The following UBE3A variants were observed in gnomAD, a reference collection of about 807,000 sequenced individuals.
UBE3A encodes the protein ubiquitin protein ligase E3A.
UBE3A carries 6 observed loss-of-function variants against 83.4 expected under a neutral mutation model. That is an observed-to-expected ratio of 0.07 (90% CI 0.04 to 0.14). UBE3A has a LOEUF of 0.14. Among genes scored for constraint, UBE3A ranks in the 10% least tolerant of loss-of-function variants. The pLI is 1.00. For synonymous variants in UBE3A, 337 were observed against 355.4 expected, an observed-to-expected ratio of 0.95 and a Z score of 0.58; for missense variants, 456 against 1,036.1, an observed-to-expected ratio of 0.44 and a Z score of 7.69.
rs564342054 is a variant in UBE3A, at chr15:25,386,464, T to G, written c.63-10701A>C. 1.5e-4 allele frequency among the ~76,000 whole-genome samples: 23 copies of G among 152,080 alleles called. No homozygotes were observed. The South Asian group carries it at 4.8e-3, about 32-fold the overall frequency. ...CCTAACGAACTGAGTAAACAACATG[T>G]TAAAAAAGTAGAGATGAAAATCCTA... On this transcript the variant is annotated intron_variant, in intron 4 of 12. Coordinates refer to ENST00000648336, the MANE Select transcript of UBE3A (RefSeq NM_130839.5).
At chr15:25,429,759 C>CT (rs1164629745) in intron 1 of UBE3A, among the ~76,000 whole-genome samples, 2 of 151,736 alleles carry the variant, frequency 1.3e-5, no homozygotes, top group Admixed American at 6.6e-5. Flanking sequence ...AATCCCAGTG[C>CT]TTTCAGAGGT....
rs1157933758 is a variant in UBE3A, at chr15:25,336,847, TAG to T, written c.*2288_*2289del. Reference sequence around the variant, plus strand: ...ATTCAAAGAAAACCAAAATATATAATAGAGTACCTGGGCAAAAAAAGTACTTT... The same window carrying T: ...ATTCAAAGAAAACCAAAATATATAATAGTACCTGGGCAAAAAAAGTACTTT... On this transcript the variant is annotated 3_prime_UTR_variant, in exon 13 of 13. Transcript: ENST00000648336. 1.3e-5 allele frequency: 2 copies of T among 152,104 alleles called. No individual in the cohort carries two copies. Among genetic ancestry groups the T allele is most frequent in the African/African-American group, 2.4e-5 (1 of 41,432 alleles). 9.4% of individuals were successfully genotyped at this position (152,104 alleles called of 1,614,324 possible).
chr15:25,433,998 A>G (rs1441586257), intron 1 of UBE3A, among the ~76,000 whole-genome samples: 1 of 152,218 alleles, frequency 6.6e-6, no homozygotes, highest in South Asian at 2.1e-4. Context: ...CCAGCCTGAG[A>G]CTGCAATGAG....
intron 1 of UBE3A, chr15:25,421,898 T>A (rs1037705698): frequency 2.6e-5 from 4 of 152,166 alleles, no homozygotes; most frequent in African/African-American, 9.7e-5. Context: ...AGTTTGGCAG[T>A]TCCTTATACA....
At chr15:25,406,856 G>GAAAAAAAAAAAAAAAA (rs11413336) in intron 3 of UBE3A, among the ~76,000 whole-genome samples, 1 of 114,684 alleles carries the variant, frequency 8.7e-6, no homozygotes. Context: ...AATGGAAAAG[G>GAAAAAAAAAAAAAAAA]AAAAAAAAAA....
intron 4 of UBE3A, among the ~76,000 whole-genome samples, chr15:25,393,306 A>G (rs1399478894): frequency 6.6e-6 from 1 of 152,220 alleles, no homozygotes; most frequent in Non-Finnish European, 1.5e-5. Flanking sequence ...AAGATATGCT[A>G]CAAGCTGAGA....
chr15:25,436,114 T>G (rs1895006438), intron 1 of UBE3A, among the ~76,000 whole-genome samples: 1 of 152,184 alleles, frequency 6.6e-6, no homozygotes. Context: ...CATACCAAGA[T>G]GTCTTGTTAC....
intron 1 of UBE3A, among the ~76,000 whole-genome samples, chr15:25,435,592 A>G (rs935214380): frequency 6.6e-6 from 1 of 152,182 alleles, no homozygotes; most frequent in African/African-American, 2.4e-5. Context: ...TACATGAGGT[A>G]ATGGTGAAAA....
At chr15:25,386,796 G>C (rs2083238754) in intron 4 of UBE3A, among the ~76,000 whole-genome samples, 1 of 152,034 alleles carries the variant, frequency 6.6e-6, no homozygotes, top group East Asian at 1.9e-4. Flanking sequence ...AATATTCATA[G>C]TGTTGAGAGA....
chr15:25,371,888 A>G lies in UBE3A; in HGVS notation c.362-76T>C. The G allele has an allele frequency of 7.1e-7, 1 of 1,398,906 alleles. No individual in the cohort carries two copies. The highest frequency in any genetic ancestry group is 1.3e-5 in the South Asian group (1 of 77,494). 86.7% of individuals were successfully genotyped at this position (1,398,906 alleles called of 1,614,324 possible). A position where few individuals can be genotyped will look rare whatever the true frequency, so the allele number is the denominator to read the frequency against. ...TTACTCTGTTGCAAAAAGTTCTAAA[A>G]GTAAAACAGCCAAACATTCTAGGCT... On this transcript the variant is annotated intron_variant, in intron 5 of 12. Coordinates refer to ENST00000648336, the MANE Select transcript of UBE3A (RefSeq NM_130839.5). This position sits in a 1 kb window ranked among gnomAD's most constrained non-coding sequence, Gnocchi z 5.3.
intron 1 of UBE3A, among the ~76,000 whole-genome samples, chr15:25,433,277 G>A (rs1485578877): frequency 3.3e-5 from 5 of 149,622 alleles, no homozygotes; most frequent in East Asian, 2.0e-4. Flanking sequence ...TCCGCCTCCC[G>A]TGTTCAAGCG....
At chr15:25,400,700 C>T (rs1010091303) in intron 4 of UBE3A, among the ~76,000 whole-genome samples, 3 of 152,092 alleles carry the variant, frequency 2.0e-5, no homozygotes, top group Non-Finnish European at 2.9e-5. Flanking sequence ...TCTAACAATT[C>T]TCTGGTGGAG....
intron 1 of UBE3A, chr15:25,413,121 TG>T: frequency 2.5e-6 from 1 of 403,524 alleles, no homozygotes; most frequent in Non-Finnish European, 4.8e-6. Context: ...TAACAAAAAC[TG>T]TAAGCACTAC....
chr15:25,428,636 A>C lies in UBE3A; in HGVS notation c.-165+9853T>G, dbSNP rs1300940042. 3.3e-5 allele frequency among the ~76,000 whole-genome samples: 5 copies of C among 152,342 alleles called. No homozygotes were observed. In the East Asian group the frequency reaches 9.6e-4, roughly 29 times the overall value. ...TATTTTTGAGATATTTAAAACATAC[A>C]GAAAATAATAAATTTCCTATCCTTT... On this transcript the variant is annotated intron_variant, in intron 1 of 12. Coordinates refer to ENST00000648336, the MANE Select transcript of UBE3A (RefSeq NM_130839.5).
At chr15:25,359,015 G>A (rs966126222) in intron 7 of UBE3A, among the ~76,000 whole-genome samples, 3 of 152,122 alleles carry the variant, frequency 2.0e-5, no homozygotes, top group Non-Finnish European at 4.4e-5. Context: ...AGAGCAACAA[G>A]CTATAAGTTA....
chr15:25,341,278 G>T (rs1020884201), intron 11 of UBE3A, among the ~76,000 whole-genome samples: 8 of 151,572 alleles, frequency 5.3e-5, no homozygotes, highest in Non-Finnish European at 7.4e-5. Context: ...CACCATGTTA[G>T]CCAGGATGGG....
intron 1 of UBE3A, among the ~76,000 whole-genome samples, chr15:25,424,148 T>C (rs190719912): frequency 3.9e-5 from 6 of 152,324 alleles, no homozygotes; most frequent in Admixed American, 2.0e-4. Context: ...AACACCTTAT[T>C]ATGATCAAAA....
intron 4 of UBE3A, among the ~76,000 whole-genome samples, chr15:25,404,435 G>A (rs897967967): frequency 3.3e-5 from 5 of 151,864 alleles, no homozygotes; most frequent in African/African-American, 2.4e-5. Context: ...TTAATACCTC[G>A]AAAAACTTTG....
chr15:25,373,372 C>T (rs2080630538), intron 5 of UBE3A: 1 of 152,192 alleles, frequency 6.6e-6, no homozygotes. Flanking sequence ...CCATTCTAGA[C>T]TCACATGTCC....
Sources: allele counts gnomAD v4.1 joint callset (sites outside exome capture counted in the v4.1 genomes callset), GRCh38; gene constraint gnomAD v4.1.1; non-coding constraint Gnocchi (gnomAD v3.1); transcripts MANE v1.5; gene names NCBI Gene and HGNC (gene_info 2026-07-23, HGNC 2026-07-21).